LOC400499: variants seen among roughly 807,000 people sequenced by gnomAD.
the LOC400499 span, chr16:11,457,252 G>T: frequency 1.1e-5 from 6 of 540,022 alleles, no homozygotes; most frequent in Non-Finnish European, 1.9e-5. Flanking sequence ...TGGTGGGAAT[G>T]TGAAATAGTG....
chr16:11,372,258 A>C, the LOC400499 span: 1 of 152,236 alleles, frequency 6.6e-6, no homozygotes, highest in Non-Finnish European at 1.5e-5. Flanking sequence ...CCCTTCAAGG[A>C]AACTCCTGCC....
chr16:11,484,445 T>C, the LOC400499 span, among the ~76,000 whole-genome samples: 2 of 152,184 alleles, frequency 1.3e-5, no homozygotes, highest in African/African-American at 2.4e-5. Flanking sequence ...CATGTACTAG[T>C]GTTCACCGTG....
chr16:11,486,478 GTAGATGAATGAATGATGGCTGGA>G, the LOC400499 span, among the ~76,000 whole-genome samples: 12 of 132,118 alleles, frequency 9.1e-5, no homozygotes, highest in African/African-American at 3.0e-4. Context: ...TGATGGGTGG[GTAGATGAATGAATGATGGCTGGA>G]TAGATGAATG....
chr16:11,484,378 G>T, the LOC400499 span, among the ~76,000 whole-genome samples: 1 of 152,270 alleles, frequency 6.6e-6, no homozygotes, highest in Admixed American at 6.5e-5. Context: ...CTTTATCATG[G>T]TGATGATCTC....
the LOC400499 span, chr16:11,472,064 G>A: frequency 5.1e-5 from 19 of 369,666 alleles, no homozygotes; most frequent in Admixed American, 4.6e-4. Context: ...GGGATGTTTC[G>A]CTGAATCCTG....
chr16:11,421,190 G>C, the LOC400499 span, among the ~76,000 whole-genome samples: 1 of 152,160 alleles, frequency 6.6e-6, no homozygotes, highest in East Asian at 1.9e-4. Flanking sequence ...TGAGCTCTCT[G>C]TCACTATCCA....
At chr16:11,386,311 C>T in the LOC400499 span, among the ~76,000 whole-genome samples, 2 of 152,252 alleles carry the variant, frequency 1.3e-5, no homozygotes, top group South Asian at 2.1e-4. Flanking sequence ...AGCCAGGCAC[C>T]TGTCGGCCAG....
the LOC400499 span, among the ~76,000 whole-genome samples, chr16:11,426,317 T>A: frequency 6.6e-6 from 1 of 152,110 alleles, no homozygotes. Flanking sequence ...ATGCCTGTCA[T>A]CCCAGCTACT....
chr16:11,501,237 T>G, the LOC400499 span, among the ~76,000 whole-genome samples: 1 of 152,050 alleles, frequency 6.6e-6, no homozygotes, highest in Non-Finnish European at 1.5e-5. Flanking sequence ...AGTGCTCTGC[T>G]GAAACCCACC....
the LOC400499 span, among the ~76,000 whole-genome samples, chr16:11,412,399 T>TG: frequency 6.6e-6 from 1 of 152,172 alleles, no homozygotes; most frequent in Admixed American, 6.5e-5. Flanking sequence ...TGAAAGTCCC[T>TG]GGGGGGAAAC....
At chr16:11,404,086 C>T in the LOC400499 span, among the ~76,000 whole-genome samples, 1 of 152,204 alleles carries the variant, frequency 6.6e-6, no homozygotes. Context: ...CTGCCAGCTC[C>T]TTCTCATCCT....
At chr16:11,435,800 A>C in the LOC400499 span, 1 of 399,388 alleles carries the variant, frequency 2.5e-6, no homozygotes, top group Admixed American at 4.4e-5. Flanking sequence ...CTCCAGCAGA[A>C]CCAGCTCCCG....
At chr16:11,469,755 G>T in the LOC400499 span, 1 of 397,892 alleles carries the variant, frequency 2.5e-6, no homozygotes, top group South Asian at 1.3e-4. Context: ...CCCCAACCAG[G>T]AATTTCTCAG....
chr16:11,479,507 C>T, the LOC400499 span, among the ~76,000 whole-genome samples: 25 of 151,530 alleles, frequency 1.6e-4, no homozygotes, highest in African/African-American at 6.1e-4. Flanking sequence ...CCTGTAGTTC[C>T]AGCTACTTGG....
At chr16:11,388,379 G>A in the LOC400499 span, among the ~76,000 whole-genome samples, 1 of 152,204 alleles carries the variant, frequency 6.6e-6, no homozygotes, top group African/African-American at 2.4e-5. Context: ...TCCCCATGAT[G>A]TGGGTTTAGT....
chr16:11,398,478 A>T, the LOC400499 span: 1 of 1,232,244 alleles, frequency 8.1e-7, no homozygotes, highest in Non-Finnish European at 1.0e-6. Flanking sequence ...GGCCTCCATG[A>T]TGATCTTGTC....
chr16:11,400,059 T>TAAAAAA, the LOC400499 span, among the ~76,000 whole-genome samples: 1 of 29,272 alleles, frequency 3.4e-5, no homozygotes, highest in African/African-American at 1.8e-4. Flanking sequence ...AGCATTTAAA[T>TAAAAAA]GAAAAAAAAA....
the LOC400499 span, among the ~76,000 whole-genome samples, chr16:11,475,931 T>C: frequency 6.6e-6 from 1 of 151,504 alleles, no homozygotes; most frequent in Non-Finnish European, 1.5e-5. Context: ...GAAACCCACA[T>C]GGAGGACAGC....
At chr16:11,419,977 C>A in the LOC400499 span, among the ~76,000 whole-genome samples, 1 of 150,794 alleles carries the variant, frequency 6.6e-6, no homozygotes, top group African/African-American at 2.5e-5. Flanking sequence ...GAAATAGGAA[C>A]ACTTTTACAC....
Sources: allele counts gnomAD v4.1 joint callset (sites outside exome capture counted in the v4.1 genomes callset), GRCh38; gene constraint gnomAD v4.1.1; transcripts MANE v1.5.